The following APBB2 variants were observed in gnomAD, a reference collection of about 807,000 sequenced individuals.
APBB2 encodes the protein Fe65-like 1.
APBB2 carries 38 observed loss-of-function variants against 82.5 expected under a neutral mutation model. The observed-to-expected ratio is 0.46, with a 90% CI of 0.36 to 0.60. The LOEUF (loss-of-function observed/expected upper bound fraction) is 0.60. Among genes scored for constraint, APBB2 ranks in the 20% least tolerant of loss-of-function variants. The pLI is 0.00. For missense variants in APBB2, 772 were observed against 972.3 expected, an observed-to-expected ratio of 0.79 and a Z score of 2.74; for synonymous variants, 341 against 368.2, an observed-to-expected ratio of 0.93 and a Z score of 0.85.
chr4:41,162,935 T>C lies in APBB2; in HGVS notation c.-416-19793A>G, dbSNP rs911217147. Among the ~76,000 whole-genome samples the C allele has an allele frequency of 7.9e-5, 12 of 152,290 alleles. No homozygotes were observed. The Middle Eastern group carries it at 0.02, about 259-fold the overall frequency. On this transcript the variant is annotated intron_variant, in intron 1 of 17. Transcript: ENST00000508593. ...TGAGTATCAATAAGGGCAAGGTGTG[T>C]GGAATAACAAGGTGAATAAGATATG...
At chr4:40,859,430 C>T (rs1762229470) in intron 12 of APBB2, among the ~76,000 whole-genome samples, 1 of 152,000 alleles carries the variant, frequency 6.6e-6, no homozygotes, top group Non-Finnish European at 1.5e-5. Flanking sequence ...GTCTTGAATT[C>T]CTGGCCTCAA....
intron 17 of APBB2, 134 bp from the exon 18 acceptor site, chr4:40,816,393 G>T: frequency 1.1e-6 from 1 of 950,046 alleles, no homozygotes; most frequent in Non-Finnish European, 1.5e-6. Context: ...AAATCCAAGA[G>T]TTATTTTTCT....
chr4:40,905,486 A>C (rs1234217371), intron 10 of APBB2, among the ~76,000 whole-genome samples: 1 of 152,188 alleles, frequency 6.6e-6, no homozygotes, highest in African/African-American at 2.4e-5. Flanking sequence ...CAAGTCCTTA[A>C]ATGAAAACGA....
intron 6 of APBB2, among the ~76,000 whole-genome samples, chr4:40,978,858 G>A (rs887483243): frequency 1.3e-5 from 2 of 151,488 alleles, no homozygotes; most frequent in African/African-American, 4.8e-5. Flanking sequence ...ATACAATTAC[G>A]GGAAACAAAA....
In APBB2 at chr4:40,893,384, C is replaced by T. The variant is rs755100689; in HGVS notation, c.1282G>A (p.Val428Ile). The T allele has an allele frequency of 9.3e-6, 15 of 1,612,952 alleles. No individual in the cohort carries two copies. The highest frequency in any genetic ancestry group is 1.3e-5 in the African/African-American group (1 of 74,878). Reference protein sequence around the residue: ...KCFAVRSLGWVEMAEEDLAPG... With the variant: ...KCFAVRSLGWIEMAEEDLAPG... ...GCGAGGTCCTCTTCTGCCATCTCTA[C>T]CCATCCCAGAGAACGCACAGCAAAA... Residue 428 changes from valine (V) to isoleucine (I), a missense_variant, in exon 11 of 18, where the codon GTA becomes ATA. Val to Ile is a conservative substitution (Grantham distance 29). Coordinates refer to ENST00000508593, the MANE Select transcript of APBB2 (RefSeq NM_004307.2).
At chr4:41,042,365 A>T (rs776863797) in intron 4 of APBB2, among the ~76,000 whole-genome samples, 1 of 152,184 alleles carries the variant, frequency 6.6e-6, no homozygotes, top group Non-Finnish European at 1.5e-5. Context: ...TGCTTCTAAG[A>T]TGTGCCAATT....
intron 4 of APBB2, among the ~76,000 whole-genome samples, chr4:41,059,328 G>A (rs1406353307): frequency 6.6e-6 from 1 of 152,274 alleles, no homozygotes; most frequent in Non-Finnish European, 1.5e-5. Flanking sequence ...AGGCATGGTG[G>A]CAGGCGCCTG....
chr4:40,922,955 C>T (rs1164000796), intron 10 of APBB2, among the ~76,000 whole-genome samples: 1 of 148,226 alleles, frequency 6.7e-6, no homozygotes, highest in African/African-American at 2.5e-5. Context: ...TAGGAAAAAC[C>T]ATCAGTTCTC....
chr4:40,827,581 T>G (rs1750378980), intron 13 of APBB2, among the ~76,000 whole-genome samples: 1 of 152,144 alleles, frequency 6.6e-6, no homozygotes, highest in African/African-American at 2.4e-5. Context: ...CAGTGGCTTC[T>G]TCCAGTGCTT....
chr4:41,120,650 C>T (rs966334105), intron 2 of APBB2, among the ~76,000 whole-genome samples: 6 of 152,114 alleles, frequency 3.9e-5, no homozygotes, highest in Non-Finnish European at 2.9e-5. Flanking sequence ...AAATGTGCCA[C>T]GATACTTAAT....
At chr4:41,168,736 A>C (rs1767415727) in intron 1 of APBB2, among the ~76,000 whole-genome samples, 1 of 152,114 alleles carries the variant, frequency 6.6e-6, no homozygotes, top group African/African-American at 2.4e-5. Flanking sequence ...CTTAATCTCT[A>C]CTCTTCAGTT....
chr4:40,995,828 G>T (rs1353044578), intron 6 of APBB2, among the ~76,000 whole-genome samples: 1 of 151,792 alleles, frequency 6.6e-6, no homozygotes, highest in Non-Finnish European at 1.5e-5. Flanking sequence ...GAGCCACCGT[G>T]CCAGCCCTTA....
rs996089228 is a variant in APBB2 at position 41,096,305 on chromosome 4, T to C, written c.-149+4334A>G. Among the ~76,000 whole-genome samples the C allele has an allele frequency of 4.6e-5, 7 of 152,204 alleles. No homozygotes were observed. In the South Asian group the frequency reaches 1.0e-3, roughly 23 times the overall value. On this transcript the variant is annotated intron_variant, in intron 3 of 17. Coordinates refer to ENST00000508593, the MANE Select transcript of APBB2 (RefSeq NM_004307.2). ...GGCTGACTCAAACATGTTCTAACTG[T>C]ATCAAGGTAGCAAGTTACTTTTCCC...
chr4:41,153,486 T>C (rs1490724473), intron 1 of APBB2, among the ~76,000 whole-genome samples: 2 of 152,168 alleles, frequency 1.3e-5, no homozygotes, highest in Admixed American at 6.5e-5. Flanking sequence ...CCAGTGACCC[T>C]TCTCTTTCCC....
At chr4:41,212,106 G>T (rs1315704134) in intron 1 of APBB2, among the ~76,000 whole-genome samples, 3 of 152,078 alleles carry the variant, frequency 2.0e-5, no homozygotes, top group African/African-American at 7.2e-5. Context: ...CATTCCTGTG[G>T]TAACAGAAAA....
At chr4:41,192,191 G>A (rs1055227837) in intron 1 of APBB2, among the ~76,000 whole-genome samples, 1 of 152,176 alleles carries the variant, frequency 6.6e-6, no homozygotes, top group Admixed American at 6.5e-5. Flanking sequence ...CTGTTGGTGG[G>A]AATATAGACT....
At chr4:41,154,007 A>C (rs1190089036) in intron 1 of APBB2, among the ~76,000 whole-genome samples, 3 of 152,178 alleles carry the variant, frequency 2.0e-5, no homozygotes, top group East Asian at 3.8e-4. Context: ...TTTCCTCTAA[A>C]TAGAGGTCCA....
rs555546098 is a variant in APBB2 at position 40,925,022 on chromosome 4, T to A, written c.1254+9434A>T. On this transcript the variant is annotated intron_variant, in intron 10 of 17. Transcript: ENST00000508593. ...GGGGAGAGGGAATCACTAACTCCAG[T>A]GACAATTCAAATATACTTATTAGCT... is the stretch of plus-strand genomic sequence containing the variant. Among the ~76,000 whole-genome samples the A allele has an allele frequency of 3.3e-5, 5 of 152,290 alleles. No individual in the cohort carries two copies. In the South Asian group the frequency reaches 8.3e-4, roughly 25 times the overall value.
rs1030988360 is a variant in APBB2, at chr4:40,822,196, C to G, written c.1933-146G>C. 1.3e-5 allele frequency: 12 copies of G among 901,126 alleles called. No individual in the cohort carries two copies. In the Admixed American group the frequency reaches 2.0e-4, roughly 15 times the overall value. The allele number at this position is 901,126 out of a possible 1,614,324, so 55.8% of individuals were successfully genotyped here. On this transcript the variant is annotated intron_variant, in intron 16 of 17. Coordinates refer to ENST00000508593, the MANE Select transcript of APBB2 (RefSeq NM_004307.2). Reference sequence around the variant, plus strand: ...TTTTCTCGAAAGGCGGAACCTTGCCCAAATGTCTGAAGAGGCCATCACTGC... The same window carrying G: ...TTTTCTCGAAAGGCGGAACCTTGCCGAAATGTCTGAAGAGGCCATCACTGC...
Sources: gnomAD v4.1 joint callset for allele counts (sites outside exome capture counted in the v4.1 genomes callset) on GRCh38, gnomAD v4.1.1 for gene constraint, MANE v1.5 for transcripts, NCBI Gene and HGNC (gene_info 2026-07-23, HGNC 2026-07-21) for gene names.